Variants in EPG5 observed in about 807,000 individuals in gnomAD.
The protein encoded by EPG5 is ectopic P granules protein 5 homolog.
Under a neutral mutation model 302.7 loss-of-function variants are expected in EPG5, and 159 were observed. The observed-to-expected ratio is 0.53, with a 90% CI of 0.46 to 0.60. The LOEUF (loss-of-function observed/expected upper bound fraction) is 0.60. EPG5 is among the 20% of genes least tolerant of loss of function. EPG5 has a pLI of 0.00. For synonymous variants in EPG5, 1,158 were observed against 1,136.8 expected, an observed-to-expected ratio of 1.02 and a Z score of -0.37; for missense variants, 2,896 against 3,092.4, an observed-to-expected ratio of 0.94 and a Z score of 1.51.
rs1397807909 is a variant in EPG5, at chr18:45,865,571, A to C, written c.6766+44T>G. 2.5e-6 allele frequency: 4 copies of C among 1,603,620 alleles called. No homozygotes were observed. The Admixed American group carries it at 6.7e-5, about 27-fold the overall frequency. On this transcript the variant is annotated intron_variant, in intron 39 of 43. Transcript: ENST00000282041. ...TCACAGTGCCTTACGCACAGCAGGA[A>C]TGCATTGACTGAATGAATACAGGAC... is the stretch of plus-strand genomic sequence containing the variant.
In EPG5 at chr18:45,899,534, G is replaced by T. The variant is rs1227873728; in HGVS notation, c.4679C>A (p.Ala1560Asp). 3 of 1,613,992 alleles carry T rather than the reference G, an allele frequency of 1.9e-6. No homozygotes were observed. Among genetic ancestry groups the T allele is most frequent in the Non-Finnish European group, 2.5e-6 (3 of 1,180,006 alleles). The change falls in exon 27 of 44, where the codon GCT (alanine) becomes GAT (aspartate). Residue 1560 changes from alanine (A) to aspartate (D), a missense_variant. By Grantham distance (126) the Ala-to-Asp change is moderately radical (BLOSUM62 -2). Transcript: ENST00000282041. Reference sequence around the variant, plus strand: ...TGTGTCTAACAGCTCACCATCCAGAGCAACCTGCTGAGATTCCCGAAGAGC... The same window carrying T: ...TGTGTCTAACAGCTCACCATCCAGATCAACCTGCTGAGATTCCCGAAGAGC... ...TAALRESQQVALDGELLDTMP... is the reference protein window; with the variant it reads ...TAALRESQQVDLDGELLDTMP...
Position 45,954,749 on chromosome 18 carries a change from TG to T in EPG5, c.652del (p.Gln218SerfsTer16). 6.2e-7 allele frequency: 1 copy of T among 1,613,976 alleles called. No homozygotes were observed. Among genetic ancestry groups the T allele is most frequent in the Non-Finnish European group, 8.5e-7 (1 of 1,179,964 alleles). ...QTPRVKKLYP[Q>X]LPAEIAGEAP... Reference sequence around the variant, plus strand: ...TTCTCCAGCAATTTCAGCTGGCAACTGGGGATACAGTTTCTTCACTCTAGGT... The same window carrying T: ...TTCTCCAGCAATTTCAGCTGGCAACTGGGATACAGTTTCTTCACTCTAGGT... On this transcript the variant is annotated frameshift_variant, in exon 2 of 44. Coordinates refer to ENST00000282041, the MANE Select transcript of EPG5 (RefSeq NM_020964.3). LOFTEE classifies it high-confidence loss of function.
intron 7 of EPG5, among the ~76,000 whole-genome samples, chr18:45,945,608 C>T (rs138348560): frequency 2.9e-4 from 44 of 152,286 alleles, no homozygotes; most frequent in African/African-American, 1.0e-3. Flanking sequence ...TAATCATTAT[C>T]TGTCTGGGAT....
chr18:45,836,818 G>T, the EPG5 span, among the ~76,000 whole-genome samples: 2 of 152,232 alleles, frequency 1.3e-5, no homozygotes, highest in African/African-American at 4.8e-5. Context: ...CCCCCTCGCA[G>T]GGGCTGTTTC....
At chr18:45,939,486 G>A (rs964696997) in intron 10 of EPG5, 114 bp downstream of exon 10, 10 of 1,064,206 alleles carry the variant, frequency 9.4e-6, no homozygotes, top group Non-Finnish European at 1.2e-5. Context: ...ATAAGAAATA[G>A]ATGAAATACA....
At chr18:45,815,420 A>G in the EPG5 span, among the ~76,000 whole-genome samples, 10 of 147,840 alleles carry the variant, frequency 6.8e-5, no homozygotes, top group South Asian at 2.1e-4. Flanking sequence ...AAAATATTTG[A>G]AAAAAAAAAG....
At chr18:45,841,862 G>T in the EPG5 span, among the ~76,000 whole-genome samples, 5 of 152,176 alleles carry the variant, frequency 3.3e-5, no homozygotes, top group Non-Finnish European at 5.9e-5. Context: ...GGGACATGGA[G>T]CCAGTCTTGA....
chr18:45,860,533 C>T lies in EPG5; in HGVS notation c.6767-187G>A, dbSNP rs1051606702. 3.3e-5 allele frequency among the ~76,000 whole-genome samples: 5 copies of T among 152,168 alleles called. No individual in the cohort carries two copies. In the South Asian group the frequency reaches 6.2e-4, roughly 19 times the overall value. ...GTTTGTACAGGTAGTATGCGGCACA[C>T]GGTTACTAAGAGTAAAAGCAGGAAC... On this transcript the variant is annotated intron_variant, in intron 39 of 43. Transcript: ENST00000282041.
At chr18:45,880,477 A>C (rs1012339705) in intron 31 of EPG5, among the ~76,000 whole-genome samples, 4 of 152,060 alleles carry the variant, frequency 2.6e-5, no homozygotes, top group African/African-American at 9.7e-5. Context: ...GTGGAGCTAC[A>C]CTCAGAGGGG....
At chr18:45,918,922 T>C (rs2050090431) in intron 16 of EPG5, among the ~76,000 whole-genome samples, 1 of 152,208 alleles carries the variant, frequency 6.6e-6, no homozygotes, top group Non-Finnish European at 1.5e-5. Flanking sequence ...GCAGTTTGGT[T>C]ATACTGCTTT....
chr18:45,855,445 T>C (rs904444728), intron 43 of EPG5, 128 bp downstream of exon 43: 4 of 625,110 alleles, frequency 6.4e-6, no homozygotes, highest in African/African-American at 1.8e-5. Context: ...GTAGGGCACA[T>C]GAAAGGGAAC....
At position 45,954,580 on chromosome 18, in the gene EPG5, T is replaced by C; in HGVS notation, c.822A>G (p.Ser274=). 31 of 1,614,262 alleles carry C rather than the reference T, an allele frequency of 1.9e-5. No homozygotes were observed. Among genetic ancestry groups the C allele is most frequent in the Non-Finnish European group, 2.6e-5 (31 of 1,180,046 alleles). ...CCATGCTGTCAAATTCTTCTAAATATGACTCAACATTTTCCAGCCATGAAC... is the reference window on the plus strand; with the variant it reads ...CCATGCTGTCAAATTCTTCTAAATACGACTCAACATTTTCCAGCCATGAAC... ...EPGSWLENVE[S]YLEEFDSMAH... Residue 274 remains serine (S), a synonymous_variant, in exon 2 of 44, where the codon TCA becomes TCG. Coordinates refer to ENST00000282041, the MANE Select transcript of EPG5 (RefSeq NM_020964.3).
intron 42 of EPG5, among the ~76,000 whole-genome samples, chr18:45,856,017 G>A (rs2048509528): frequency 6.6e-6 from 1 of 152,192 alleles, no homozygotes; most frequent in Admixed American, 6.5e-5. Context: ...GAAGCATAGA[G>A]TTACCATAGG....
chr18:45,827,405 C>A, the EPG5 span, among the ~76,000 whole-genome samples: 5 of 152,290 alleles, frequency 3.3e-5, no homozygotes, highest in South Asian at 1.0e-3. Context: ...AGGGAAGGAG[C>A]TATCTTTTCC....
In EPG5 at chr18:45,916,349, G is replaced by A. The variant is rs554731023; in HGVS notation, c.3384+89C>T. The A allele has an allele frequency of 1.0e-5, 16 of 1,554,200 alleles. No homozygotes were observed. The South Asian group carries it at 1.2e-4, about 12-fold the overall frequency. Reference sequence around the variant, plus strand: ...AAAAGCACACTAAGCCAAGTGATCTGAAATGACTAAAACCTAAGTGTGCTA... The same window carrying A: ...AAAAGCACACTAAGCCAAGTGATCTAAAATGACTAAAACCTAAGTGTGCTA... On this transcript the variant is annotated intron_variant, in intron 18 of 43. Transcript: ENST00000282041.
rs748473526 is a variant in EPG5 at position 45,954,598 on chromosome 18, C to CTCAA, written c.803_804insTTGA (p.Trp268CysfsTer2). ...CTAAATATGACTCAACATTTTCCAG[C>CTCAA]CATGAACCAGGCTCCAAGATTTTTA... On this transcript the variant is annotated stop_gained and frameshift_variant, in exon 2 of 44. Coordinates refer to ENST00000282041, the MANE Select transcript of EPG5 (RefSeq NM_020964.3). LOFTEE classifies it high-confidence loss of function. 6.2e-7 allele frequency: 1 copy of CTCAA among 1,614,232 alleles called. No homozygotes were observed. The highest frequency in any genetic ancestry group is 8.5e-7 in the Non-Finnish European group (1 of 1,180,036).
Position 45,960,425 on chromosome 18 carries a change from C to A in EPG5, c.64-5087G>T, listed in dbSNP as rs76796476. Among the ~76,000 whole-genome samples, 2,654 of 152,212 alleles carry A rather than the reference C, an allele frequency of 0.017. 225 individuals carry two copies. The East Asian group carries it at 0.29, about 17-fold the overall frequency. On this transcript the variant is annotated intron_variant, in intron 1 of 43. Coordinates refer to ENST00000282041, the MANE Select transcript of EPG5 (RefSeq NM_020964.3). The stretch of plus-strand genomic sequence containing the variant: ...AGTAGTTGAAAGTACAGACTGGTGT[C>A]ATCATGCCAACAAAAGATATTTCTT...
At chr18:45,871,127 G>T (rs1233383496) in intron 35 of EPG5, among the ~76,000 whole-genome samples, 1 of 152,162 alleles carries the variant, frequency 6.6e-6, no homozygotes, top group Non-Finnish European at 1.5e-5. Flanking sequence ...AAAAGGAAAT[G>T]TTCCATTTTT....
chr18:45,928,350 T>C (rs989620706), intron 13 of EPG5, among the ~76,000 whole-genome samples: 1 of 152,144 alleles, frequency 6.6e-6, no homozygotes, highest in Non-Finnish European at 1.5e-5. Context: ...AATAGGTAAA[T>C]TGTATGGTAT....
Sources: gnomAD v4.1 joint callset for allele counts (sites outside exome capture counted in the v4.1 genomes callset) on GRCh38, gnomAD v4.1.1 for gene constraint, MANE v1.5 for transcripts, NCBI Gene and HGNC (gene_info 2026-07-23, HGNC 2026-07-21) for gene names.